ZNF420: variants seen among roughly 807,000 people sequenced by gnomAD.
ZNF420 encodes ATM and p53-associated KZNF protein.
A neutral mutation model predicts 44.7 loss-of-function variants in ZNF420; 31 were observed. The observed-to-expected ratio is 0.69, with a 90% confidence interval of 0.52 to 0.94. The LOEUF (loss-of-function observed/expected upper bound fraction) is 0.94. Ranked by LOEUF, ZNF420 falls within the 40% of genes least tolerant of loss-of-function variation. ZNF420 has a pLI of 0.00. For missense variants in ZNF420, 681 were observed against 827.9 expected (o/e 0.82, Z 2.18); for synonymous variants, 245 against 267.4 (o/e 0.92, Z 0.82).
At position 37,127,864 on chromosome 19, in the gene ZNF420, C is replaced by G; in HGVS notation, c.873C>G (p.Leu291=). Reference sequence around the variant, plus strand: ...AATGTAGGAAGGTCTTTACTCAGCTCTCACAACTTATTCTGCATAAGAGAA... The same window carrying G: ...AATGTAGGAAGGTCTTTACTCAGCTGTCACAACTTATTCTGCATAAGAGAA... ...CKECRKVFTQ[L]SQLILHKRIH... The change falls in exon 5 of 5, where the codon CTC becomes CTG. Residue 291 remains leucine, a synonymous_variant. Transcript: ENST00000337995. 2 of 1,613,858 alleles carry G rather than the reference C, an allele frequency of 1.2e-6. No individual in the cohort carries two copies. The highest frequency in any genetic ancestry group is 1.7e-6 in the Non-Finnish European group (2 of 1,179,946).
At chr19:37,010,185 C>T (rs762299485) in intron 1 of ZNF420, among the ~76,000 whole-genome samples, 5 of 152,186 alleles carry the variant, frequency 3.3e-5, no homozygotes, top group African/African-American at 4.8e-5. Context: ...CTTGGGTGTC[C>T]GGGCTCCGAG....
chr19:37,112,010 AG>A (rs1970408401), intron 4 of ZNF420, among the ~76,000 whole-genome samples: 1 of 151,992 alleles, frequency 6.6e-6, no homozygotes, highest in Non-Finnish European at 1.5e-5. Flanking sequence ...ATGAAGGCTC[AG>A]TATGTCCGTT....
chr19:37,092,010 G>A (rs1969180062), intron 4 of ZNF420: 2 of 151,984 alleles, frequency 1.3e-5, no homozygotes, highest in South Asian at 2.1e-4. Context: ...TAGTTGAGGG[G>A]GAACCTGTGA....
chr19:37,111,923 G>A (rs947277903), intron 4 of ZNF420, among the ~76,000 whole-genome samples: 10 of 152,040 alleles, frequency 6.6e-5, no homozygotes, highest in Admixed American at 2.6e-4. Context: ...TGGCATTTAC[G>A]GCCCTTAAGT....
Position 37,129,351 on chromosome 19 carries a change from G to T in ZNF420, c.*293G>T. ...CTTAGCTCTACTAGTTGATCTTTTT[G>T]TTATATGTATCATGATACTTAACCT... On this transcript the variant is annotated 3_prime_UTR_variant, in exon 5 of 5. Transcript: ENST00000337995. The T allele has an allele frequency of 2.9e-6, 1 of 339,182 alleles. No individual in the cohort carries two copies. Among genetic ancestry groups the T allele is most frequent in the Non-Finnish European group, 5.4e-6 (1 of 185,728 alleles). The allele number at this position is 339,182 out of a possible 1,614,324, so 21.0% of individuals were successfully genotyped here. A position where few individuals can be genotyped will look rare whatever the true frequency, so the allele number is the denominator to read the frequency against.
At chr19:37,021,957 A>G (rs1036884950) in intron 1 of ZNF420, among the ~76,000 whole-genome samples, 2 of 149,050 alleles carry the variant, frequency 1.3e-5, no homozygotes, top group African/African-American at 2.5e-5. Context: ...AAAAAAAAAA[A>G]AAAAAAGAAA....
chr19:37,128,966 A>T lies in ZNF420; in HGVS notation c.1975A>T (p.Thr659Ser). 6.2e-7 allele frequency: 1 copy of T among 1,614,122 alleles called. No individual in the cohort carries two copies. Residue 659 changes from threonine (T) to serine (S), a missense_variant, in exon 5 of 5, where the codon ACT (threonine) becomes TCT (serine). Thr to Ser is a moderately conservative substitution (Grantham distance 58). Around this residue, in one of 3 missense-constraint regions of ZNF420, gnomAD observed 280 missense variants for 338.6 expected, o/e 0.83. Transcript: ENST00000337995. Reference protein sequence around the residue: ...GKAFTRGSQLTQHQRIHISEK... With the variant: ...GKAFTRGSQLSQHQRIHISEK... ...GGCCTTTACTCGTGGTTCACAGCTA[A>T]CTCAACATCAGAGAATTCATATCAG...
intron 4 of ZNF420, among the ~76,000 whole-genome samples, chr19:37,125,080 C>G (rs964816967): frequency 6.6e-5 from 10 of 152,180 alleles, no homozygotes; most frequent in African/African-American, 2.4e-4. Context: ...TCAAATGATC[C>G]ACCTGCCTTG....
At chr19:37,081,175 T>C (rs1290855810) in intron 2 of ZNF420, among the ~76,000 whole-genome samples, 4 of 152,176 alleles carry the variant, frequency 2.6e-5, no homozygotes, top group African/African-American at 9.6e-5. Context: ...TTTTGATGTG[T>C]CATGTTTTCA....
intron 1 of ZNF420, among the ~76,000 whole-genome samples, chr19:37,044,830 A>G (rs1317122297): frequency 6.6e-6 from 1 of 152,172 alleles, no homozygotes; most frequent in East Asian, 1.9e-4. Flanking sequence ...CTCCATCTCA[A>G]AAAATAATAA....
At chr19:37,048,578 A>C (rs1443534146) in intron 1 of ZNF420, among the ~76,000 whole-genome samples, 1 of 152,248 alleles carries the variant, frequency 6.6e-6, no homozygotes, top group African/African-American at 2.4e-5. Context: ...ATAAATCAAT[A>C]TACTAGTGTG....
intron 4 of ZNF420, chr19:37,091,373 CT>C (rs1969133938): frequency 1.2e-5 from 3 of 260,672 alleles, no homozygotes; most frequent in Non-Finnish European, 2.2e-5. Context: ...GTTTGGGATA[CT>C]TGGAATATTG....
chr19:37,102,364 G>T (rs1969827920), intron 4 of ZNF420, among the ~76,000 whole-genome samples: 2 of 152,118 alleles, frequency 1.3e-5, no homozygotes, highest in South Asian at 4.1e-4. Context: ...TTCTGAGCTG[G>T]CACCCCCAGC....
chr19:37,056,856 T>C (rs1027376900), intron 1 of ZNF420, among the ~76,000 whole-genome samples: 10 of 152,098 alleles, frequency 6.6e-5, no homozygotes, highest in Non-Finnish European at 1.0e-4. Flanking sequence ...TACAGCCCTC[T>C]CTCCCACGTC....
chr19:37,126,440 A>G (rs1012221036), intron 4 of ZNF420, among the ~76,000 whole-genome samples: 1 of 152,202 alleles, frequency 6.6e-6, no homozygotes. Flanking sequence ...GGAGAAGACC[A>G]TGGAAGGGGA....
intron 4 of ZNF420, among the ~76,000 whole-genome samples, chr19:37,095,172 T>C (rs932203317): frequency 6.6e-6 from 1 of 151,882 alleles, no homozygotes; most frequent in Non-Finnish European, 1.5e-5. Flanking sequence ...GATTTGTAGA[T>C]GAAAAACAGA....
chr19:37,039,722 A>T (rs1417910967), intron 1 of ZNF420, among the ~76,000 whole-genome samples: 1 of 146,626 alleles, frequency 6.8e-6, no homozygotes, highest in African/African-American at 2.5e-5. Context: ...TTTTTGTGAG[A>T]TACGGTCTCA....
At chr19:37,083,539 T>C (rs1599646653) in intron 2 of ZNF420, among the ~76,000 whole-genome samples, 1 of 152,246 alleles carries the variant, frequency 6.6e-6, no homozygotes, top group East Asian at 1.9e-4. Flanking sequence ...AAAACATATC[T>C]GTTATGTTTC....
intron 1 of ZNF420, among the ~76,000 whole-genome samples, chr19:37,038,183 C>T (rs544503928): frequency 1.3e-5 from 2 of 152,146 alleles, no homozygotes; most frequent in African/African-American, 2.4e-5. Flanking sequence ...TATGCAATAG[C>T]GTTATGTTTA....
Sources: allele counts gnomAD v4.1 joint callset (sites outside exome capture counted in the v4.1 genomes callset), GRCh38; gene constraint gnomAD v4.1.1; regional missense constraint gnomAD v4.1.1; transcripts MANE v1.5; gene names NCBI Gene and HGNC (gene_info 2026-07-23, HGNC 2026-07-21).